HUWE1: variants seen among roughly 807,000 people sequenced by gnomAD.
HUWE1 encodes HECT, UBA and WWE domain containing E3 ubiquitin protein ligase 1, also known as E3 ubiquitin-protein ligase HUWE1.
In HUWE1, 18 loss-of-function variants were observed where a neutral mutation model predicts 299.4. The observed-to-expected ratio is 0.06, with a 90% CI of 0.04 to 0.09. The LOEUF (loss-of-function observed/expected upper bound fraction) is 0.09. HUWE1 is among the 10% of genes least tolerant of loss of function. The pLI is 1.00. For missense variants in HUWE1, 1,832 were observed against 3,462.3 expected (o/e 0.53, Z 11.82); for synonymous variants, 1,317 against 1,286.1 (o/e 1.02, Z -0.51).
rs1365716703 is a variant in HUWE1, at chrX:53,549,270, T to C, written c.9724A>G (p.Thr3242Ala). Reference protein sequence around the residue: ...RSSESELCIETPKLTTSEEKG... With the variant: ...RSSESELCIEAPKLTTSEEKG... ...TCCTCACTTGTAGTGAGTTTGGGTG[T>C]TTCAATGCATAGCTCACTCTCACTG... The change falls in exon 67 of 84, where the codon ACA (threonine) becomes GCA (alanine). Residue 3242 changes from threonine (T) to alanine (A), a missense_variant. By Grantham distance (58) the Thr-to-Ala change is moderately conservative. This residue lies in a region of HUWE1 where 80 missense variants were observed against 142.1 expected (regional missense o/e 0.56). Transcript: ENST00000262854. 8.3e-7 allele frequency: 1 copy of C among 1,211,683 alleles called. No homozygotes were observed. The highest frequency in any genetic ancestry group is 1.1e-6 in the Non-Finnish European group (1 of 895,481).
At chrX:53,550,453 C>T (rs147009822) in intron 66 of HUWE1, among the ~76,000 whole-genome samples, 150 of 111,884 alleles carry the variant, frequency 1.3e-3, no homozygotes, top group African/African-American at 4.5e-3. Flanking sequence ...CCTGCTTTTG[C>T]GATTGTGGTC....
At chrX:53,593,309 TG>T in intron 32 of HUWE1, 54 bp downstream of exon 32, 2 of 858,193 alleles carry the variant, frequency 2.3e-6, no homozygotes, top group Middle Eastern at 3.8e-4. Context: ...CAAAATAGAG[TG>T]GGAACGACTT....
At chrX:53,679,574 G>C (rs1484868743) in intron 3 of HUWE1, among the ~76,000 whole-genome samples, 2 of 111,449 alleles carry the variant, frequency 1.8e-5, no homozygotes, top group Non-Finnish European at 3.8e-5. Flanking sequence ...AGGATGGCTT[G>C]AGCCCAGGAG....
chrX:53,616,793 AAAT>A (rs2065829813), intron 21 of HUWE1, among the ~76,000 whole-genome samples, 174 bp downstream of exon 21: 1 of 111,979 alleles, frequency 8.9e-6, no homozygotes, highest in Admixed American at 9.5e-5. Context: ...AGAAGCATGG[AAAT>A]ATTATGAGCA....
chrX:53,672,469 G>C (rs2069602563), intron 3 of HUWE1, among the ~76,000 whole-genome samples: 1 of 109,876 alleles, frequency 9.1e-6, no homozygotes, highest in African/African-American at 3.3e-5. Flanking sequence ...ATGTTGGCCA[G>C]GCTGGTCTCG....
intron 4 of HUWE1, among the ~76,000 whole-genome samples, chrX:53,650,323 G>C: frequency 8.9e-6 from 1 of 111,909 alleles, no homozygotes; most frequent in Non-Finnish European, 1.9e-5. Context: ...CTTTAGAAGG[G>C]ATATCCCAAT....
chrX:53,536,690 A>G (rs782432824), intron 78 of HUWE1, 23 bp from the exon 79 acceptor site: 1 of 1,191,605 alleles, frequency 8.4e-7, no homozygotes, highest in Non-Finnish European at 1.1e-6. Flanking sequence ...GCAGAAGCAG[A>G]AAAGAGCTGT....
At chrX:53,562,273 T>G in intron 53 of HUWE1, 29 bp from the exon 54 acceptor site, 6 of 1,203,286 alleles carry the variant, frequency 5.0e-6, no homozygotes, top group Non-Finnish European at 6.7e-6. Flanking sequence ...ATTGGAGGAC[T>G]AAACTGAGTA....
chrX:53,625,892 G>A (rs1193769988), intron 17 of HUWE1: 4 of 333,550 alleles, frequency 1.2e-5, no homozygotes, highest in Non-Finnish European at 2.4e-5. Flanking sequence ...CAGGGCCGGT[G>A]CCGGGGCCGG....
At chrX:53,684,212 C>T (rs1557054812) in intron 2 of HUWE1, 1 of 216,257 alleles carries the variant, frequency 4.6e-6, no homozygotes. Flanking sequence ...TGAGAACTAT[C>T]GCGATATTAC....
intron 3 of HUWE1, among the ~76,000 whole-genome samples, chrX:53,655,395 G>C (rs782072034): frequency 2.7e-5 from 3 of 112,113 alleles, no homozygotes; most frequent in Non-Finnish European, 5.6e-5. Context: ...ATTCAAGGAA[G>C]AGTTTGTGAA....
intron 81 of HUWE1, 27 bp downstream of exon 81, chrX:53,535,357 C>A (rs374558040): frequency 3.2e-6 from 3 of 951,258 alleles, no homozygotes; most frequent in Non-Finnish European, 4.6e-6. Flanking sequence ...TATTGAGCAA[C>A]TAGAGGTCTA....
At chrX:53,536,755 G>T in intron 78 of HUWE1, 88 bp from the exon 79 acceptor site, 1 of 832,939 alleles carries the variant, frequency 1.2e-6, no homozygotes, top group Non-Finnish European at 1.7e-6. Context: ...CTGTGAAGCA[G>T]TGTCTGGGGA....
intron 29 of HUWE1, among the ~76,000 whole-genome samples, chrX:53,597,007 G>A (rs782523466): frequency 1.2e-4 from 13 of 112,145 alleles, no homozygotes; most frequent in East Asian, 2.8e-4. Context: ...GAAAATGCAC[G>A]TTTATGTGGG....
At chrX:53,657,149 C>A (rs1206737710) in intron 3 of HUWE1, among the ~76,000 whole-genome samples, 1 of 112,106 alleles carries the variant, frequency 8.9e-6, no homozygotes, top group Non-Finnish European at 1.9e-5. Context: ...CAAAATTCAA[C>A]AGTGAAAAGT....
Position 53,624,575 on chromosome X carries a change from CAACT to C in HUWE1, c.1672+16_1672+19del, listed in dbSNP as rs1362198247. 9.1e-6 allele frequency: 10 copies of C among 1,095,537 alleles called. No individual in the cohort carries two copies. The highest frequency in any genetic ancestry group is 3.7e-5 in the South Asian group (2 of 54,317). The allele number at this position is 1,095,537 out of a possible 1,213,427, so 90.3% of individuals were successfully genotyped here. On this transcript the variant is annotated intron_variant, in intron 19 of 83. Coordinates refer to ENST00000262854, the MANE Select transcript of HUWE1 (RefSeq NM_031407.7). The stretch of plus-strand genomic sequence containing the variant: ...CCAGGTTATCCCAAATTGTTATAAC[CAACT>C]ATCAACTCCACTTACCTAGGAGGAA...
In HUWE1 at chrX:53,603,511, T is replaced by C; in HGVS notation, c.2743-10A>G. 2.5e-6 allele frequency: 3 copies of C among 1,206,414 alleles called. No homozygotes were observed. The highest frequency in any genetic ancestry group is 2.2e-5 in the Admixed American group (1 of 45,939). On this transcript the variant is annotated splice_polypyrimidine_tract_variant and intron_variant, in intron 26 of 83. Transcript: ENST00000262854. Reference sequence around the variant, plus strand: ...TGGAACGAATTTCACTCTGCAATCATAACAAGAATTTCACCTTTGGGATGT... The same window carrying C: ...TGGAACGAATTTCACTCTGCAATCACAACAAGAATTTCACCTTTGGGATGT...
chrX:53,641,913 G>A (rs1221312398), intron 7 of HUWE1, among the ~76,000 whole-genome samples: 1 of 111,011 alleles, frequency 9.0e-6, no homozygotes, highest in Non-Finnish European at 1.9e-5. Context: ...CTTAAATACT[G>A]CTGGTAAGAT....
chrX:53,533,814 G>A, intron 83 of HUWE1, 193 bp downstream of exon 83: 1 of 484,436 alleles, frequency 2.1e-6, no homozygotes. Context: ...ACCTGACAGT[G>A]TCTCCCCAGC....
Sources: gnomAD v4.1 joint callset for allele counts (sites outside exome capture counted in the v4.1 genomes callset) on GRCh38, gnomAD v4.1.1 for gene constraint, gnomAD v4.1.1 regional missense constraint, MANE v1.5 for transcripts, NCBI Gene and HGNC (gene_info 2026-07-23, HGNC 2026-07-21) for gene names.